PAPPA2: variants seen among roughly 807,000 people sequenced by gnomAD.
PAPPA2 encodes the protein pappalysin-2.
PAPPA2 carries 86 observed loss-of-function variants against 176.4 expected under a neutral mutation model. The observed-to-expected ratio is 0.49, with a 90% CI of 0.41 to 0.58. The LOEUF (loss-of-function observed/expected upper bound fraction) is 0.58, where lower values mean the gene tolerates loss of function less well. PAPPA2 is among the 20% of genes least tolerant of loss of function. The pLI is 0.00. For synonymous variants in PAPPA2, 809 were observed against 852.2 expected (o/e 0.95, Z 0.88); for missense variants, 2,073 against 2,256.9 (o/e 0.92, Z 1.65).
intron 3 of PAPPA2, among the ~76,000 whole-genome samples, chr1:176,639,780 T>A (rs535125002): frequency 6.6e-6 from 1 of 151,740 alleles, no homozygotes. Context: ...AATGGCGAGA[T>A]CTTGGCTCAC....
chr1:176,518,139 C>A (rs1029152176), intron 1 of PAPPA2, among the ~76,000 whole-genome samples: 5 of 152,134 alleles, frequency 3.3e-5, no homozygotes, highest in Admixed American at 1.3e-4. Context: ...ACCTACTTAC[C>A]TATTCGTCTG....
At chr1:176,823,554 T>A (rs7546249) in intron 21 of PAPPA2, among the ~76,000 whole-genome samples, 117,691 of 152,122 alleles carry the variant, frequency 0.77, 45,982 homozygotes, top group African/African-American at 0.89. Context: ...TTACCATTAC[T>A]TTTCTCACTT....
chr1:176,608,422 A>G lies in PAPPA2; in HGVS notation c.1991+12827A>G, dbSNP rs190815324. Among the ~76,000 whole-genome samples, 20 of 152,274 alleles carry G rather than the reference A, an allele frequency of 1.3e-4. No homozygotes were observed. In the East Asian group the frequency reaches 3.9e-3, roughly 29 times the overall value. On this transcript the variant is annotated intron_variant, in intron 3 of 22. Coordinates refer to ENST00000367662, the MANE Select transcript of PAPPA2 (RefSeq NM_020318.3). ...CCAACATAAAACCACTTTAAAATAT[A>G]TTATTGGCATGAATTTTTTTATACC... is the stretch of plus-strand genomic sequence containing the variant.
chr1:176,800,111 C>T lies in PAPPA2; in HGVS notation c.5181C>T (p.Val1727=), dbSNP rs772329835. The change falls in exon 21 of 23, where the codon GTC becomes GTT. Residue 1727 remains valine, a synonymous_variant. Coordinates refer to ENST00000367662, the MANE Select transcript of PAPPA2 (RefSeq NM_020318.3). ...AATGGCACCCAGACCCCGTCTTAGTCCACTGCATCCAGTCATGTGAGGTAA... is the reference window on the plus strand; with the variant it reads ...AATGGCACCCAGACCCCGTCTTAGTTCACTGCATCCAGTCATGTGAGGTAA... ...RRQWHPDPVL[V]HCIQSCEPFQ... is the part of the protein sequence containing the mutation. The T allele has an allele frequency of 1.2e-6, 2 of 1,614,060 alleles. No individual in the cohort carries two copies. Among genetic ancestry groups the T allele is most frequent in the African/African-American group, 2.7e-5 (2 of 75,014 alleles).
At chr1:176,678,430 CTT>C (rs148666043) in intron 4 of PAPPA2, among the ~76,000 whole-genome samples, 151 of 144,108 alleles carry the variant, frequency 1.0e-3, no homozygotes, top group Middle Eastern at 7.0e-3. Flanking sequence ...TGGTCATTTA[CTT>C]TTTTTTTTTT....
chr1:176,565,811 A>C (rs923355801), intron 2 of PAPPA2, among the ~76,000 whole-genome samples: 3 of 152,158 alleles, frequency 2.0e-5, no homozygotes, highest in African/African-American at 7.2e-5. Context: ...CAATGAGGAG[A>C]GACATCTGGG....
intron 16 of PAPPA2, among the ~76,000 whole-genome samples, chr1:176,770,306 T>C (rs1428090459): frequency 6.6e-6 from 1 of 152,140 alleles, no homozygotes; most frequent in African/African-American, 2.4e-5. Context: ...GATTCTTGCT[T>C]AGTGAGTCTG....
In PAPPA2 at chr1:176,463,219, G is replaced by A. The variant is rs554861424; in HGVS notation, c.-1116G>A. The A allele has an allele frequency of 2.1e-4, 32 of 152,318 alleles. No homozygotes were observed. Among genetic ancestry groups the A allele is most frequent in the African/African-American group, 7.7e-4 (32 of 41,566 alleles). 9.4% of individuals were successfully genotyped at this position (152,318 alleles called of 1,614,324 possible). The stretch of plus-strand genomic sequence containing the variant: ...AGGCACACACTCCCTTTTCTCGGGT[G>A]TGTACTTTTTGCTTTGTGATACATC... On this transcript the variant is annotated 5_prime_UTR_variant, in exon 1 of 23. It adds an upstream start codon to the 5' untranslated region. Transcript: ENST00000367662.
At chr1:176,539,613 G>A (rs950230862) in intron 1 of PAPPA2, among the ~76,000 whole-genome samples, 3 of 152,178 alleles carry the variant, frequency 2.0e-5, no homozygotes, top group Admixed American at 2.0e-4. Context: ...CCAGCTGAGT[G>A]TCATGTGATT....
chr1:176,738,200 G>A (rs570488783), intron 12 of PAPPA2, among the ~76,000 whole-genome samples: 1 of 152,132 alleles, frequency 6.6e-6, no homozygotes, highest in South Asian at 2.1e-4. Flanking sequence ...GTGTAATCTT[G>A]GGTCTGGTTG....
intron 1 of PAPPA2, among the ~76,000 whole-genome samples, chr1:176,524,010 G>A (rs550612677): frequency 6.6e-6 from 1 of 152,190 alleles, no homozygotes; most frequent in Non-Finnish European, 1.5e-5. Flanking sequence ...ATATATCAAA[G>A]AACTCCCACC....
chr1:176,586,845 C>T (rs189043395), intron 2 of PAPPA2, among the ~76,000 whole-genome samples: 8 of 152,272 alleles, frequency 5.3e-5, no homozygotes, highest in Admixed American at 5.2e-4. Flanking sequence ...ATTTCTGGTT[C>T]TAGATCCTTG....
rs577297804 is a variant in PAPPA2 at position 176,503,608 on chromosome 1, A to G, written c.-917+40190A>G. Among the ~76,000 whole-genome samples, 14 of 152,318 alleles carry G rather than the reference A, an allele frequency of 9.2e-5. No individual in the cohort carries two copies. The South Asian group carries it at 2.5e-3, about 27-fold the overall frequency. Reference sequence around the variant, plus strand: ...GGTGTGAAATTTCCTGATTCTCACTATAAAACTCAGAACTTCTTAGTTAAT... The same window carrying G: ...GGTGTGAAATTTCCTGATTCTCACTGTAAAACTCAGAACTTCTTAGTTAAT... On this transcript the variant is annotated intron_variant, in intron 1 of 22. Transcript: ENST00000367662.
chr1:176,486,321 T>A (rs1475446873), intron 1 of PAPPA2, among the ~76,000 whole-genome samples: 2 of 152,232 alleles, frequency 1.3e-5, no homozygotes, highest in African/African-American at 4.8e-5. Context: ...AAAGAATTAA[T>A]GTCTTCTTTA....
At chr1:176,748,780 A>G (rs1356543771) in intron 14 of PAPPA2, among the ~76,000 whole-genome samples, 1 of 152,346 alleles carries the variant, frequency 6.6e-6, no homozygotes, top group East Asian at 1.9e-4. Context: ...TATTTGGTAC[A>G]GTAATAACAT....
At chr1:176,598,863 G>C (rs1654127788) in intron 3 of PAPPA2, among the ~76,000 whole-genome samples, 1 of 151,930 alleles carries the variant, frequency 6.6e-6, no homozygotes, top group Non-Finnish European at 1.5e-5. Flanking sequence ...TTTTTGGGGG[G>C]GTTAGAGCTA....
chr1:176,767,718 G>A (rs1248063961), intron 15 of PAPPA2, among the ~76,000 whole-genome samples: 1 of 152,164 alleles, frequency 6.6e-6, no homozygotes, highest in Non-Finnish European at 1.5e-5. Flanking sequence ...TTAAGCATGG[G>A]TATCATCTGG....
Position 176,623,618 on chromosome 1 carries a change from C to CTTT in PAPPA2, c.1991+28023_1991+28024insTTT, listed in dbSNP as rs1558479058. On this transcript the variant is annotated intron_variant, in intron 3 of 22. Transcript: ENST00000367662. ...TCCTTCCTTCCTTCCTTCCTTCCTT[C>CTTT]CTTCCTTTTTTACTTTCTTTCTTTC... 9.7e-3 allele frequency among the ~76,000 whole-genome samples: 726 copies of CTTT among 75,068 alleles called. 2 individuals carry two copies. The highest frequency in any genetic ancestry group is 0.012 in the South Asian group (23 of 1,842). The allele number at this position is 75,068 out of a possible 152,430, so 49.2% of individuals were successfully genotyped here.
intron 14 of PAPPA2, among the ~76,000 whole-genome samples, chr1:176,764,078 G>C (rs1208585297): frequency 6.6e-6 from 1 of 152,094 alleles, no homozygotes; most frequent in African/African-American, 2.4e-5. Context: ...ACTCTCATGG[G>C]AACTAACCTA....
Sources: gnomAD v4.1 joint callset for allele counts (sites outside exome capture counted in the v4.1 genomes callset) on GRCh38, gnomAD v4.1.1 for gene constraint, MANE v1.5 for transcripts, NCBI Gene and HGNC (gene_info 2026-07-23, HGNC 2026-07-21) for gene names.